The following EHD4 variants were observed in gnomAD, a reference collection of about 807,000 sequenced individuals.
EHD4 encodes EH domain containing 4.
A neutral mutation model predicts 51.0 loss-of-function variants in EHD4; 37 were observed. The observed-to-expected ratio is 0.73, with a 90% CI of 0.56 to 0.95. EHD4 has a LOEUF of 0.95. Among genes scored for constraint, EHD4 ranks in the 40% least tolerant of loss-of-function variants. The probability of loss-of-function intolerance (pLI) is 0.00; values close to 1 mark genes in which losing one functional copy is unlikely to be tolerated. For missense variants in EHD4, 632 were observed against 733.1 expected (o/e 0.86, Z 1.59); for synonymous variants, 297 against 317.3 (o/e 0.94, Z 0.68).
intron 5 of EHD4, among the ~76,000 whole-genome samples, chr15:41,903,756 G>A (rs1030016162): frequency 1.3e-5 from 2 of 152,110 alleles, no homozygotes; most frequent in Non-Finnish European, 2.9e-5. Context: ...GGGGGACAGA[G>A]CTGAGAAATA....
chr15:41,901,459 C>T (rs2067477651), intron 5 of EHD4, among the ~76,000 whole-genome samples: 1 of 152,224 alleles, frequency 6.6e-6, no homozygotes, highest in Non-Finnish European at 1.5e-5. Context: ...CTTTCACCTG[C>T]CTTTTTAAAA....
Position 41,900,582 on chromosome 15 carries a change from CAGT to C in EHD4, c.*60_*62del. The C allele has an allele frequency of 2.0e-6, 3 of 1,466,270 alleles. No individual in the cohort carries two copies. Among genetic ancestry groups the C allele is most frequent in the African/African-American group, 2.8e-5 (2 of 71,968 alleles). 90.8% of individuals were successfully genotyped at this position (1,466,270 alleles called of 1,614,324 possible). A position where few individuals can be genotyped will look rare whatever the true frequency, so the allele number is the denominator to read the frequency against. On this transcript the variant is annotated 3_prime_UTR_variant, in exon 6 of 6. Coordinates refer to ENST00000220325, the MANE Select transcript of EHD4 (RefSeq NM_139265.4). The surrounding 1 kb of genome is among the most constrained non-coding windows in gnomAD (Gnocchi z 4.8). ...CCTTGCCCAAGGTCATTCGGTGAGT[CAGT>C]GGTGGAGCAGGCCTGAGGCCCAGGT... is the stretch of plus-strand genomic sequence containing the variant.
chr15:41,932,235 TTAC>T (rs1211587254), intron 3 of EHD4, among the ~76,000 whole-genome samples: 1 of 152,094 alleles, frequency 6.6e-6, no homozygotes, highest in African/African-American at 2.4e-5. Flanking sequence ...GCTCCAAGAT[TTAC>T]TATAAGTGGG....
At chr15:41,931,063 C>T (rs140730334) in intron 3 of EHD4, among the ~76,000 whole-genome samples, 2 of 152,256 alleles carry the variant, frequency 1.3e-5, no homozygotes, top group East Asian at 1.9e-4. Flanking sequence ...ATAAAAAGAC[C>T]GCCGCTCCTT....
At position 41,909,765 on chromosome 15, in the gene EHD4, G is replaced by C. The variant is rs890501; in HGVS notation, c.1023C>G (p.Ile341Met). 13 of 1,614,082 alleles carry C rather than the reference G, an allele frequency of 8.1e-6. No homozygotes were observed. Among genetic ancestry groups the C allele is most frequent in the Non-Finnish European group, 1.0e-5 (12 of 1,180,052 alleles). The change falls in exon 5 of 6, where the codon ATC (isoleucine) becomes ATG (methionine). Residue 341 changes from isoleucine (I) to methionine (M), a missense_variant. Ile to Met is a conservative substitution (Grantham distance 10). Transcript: ENST00000220325. ...KRELISRLPE[I>M]YIQLQREYQI... ...GGTATTCTCGCTGTAGCTGAATGTA[G>C]ATTTCCGGTAGCCTGCTGATAAGCT...
At chr15:41,954,743 T>G (rs2067875779) in intron 1 of EHD4, among the ~76,000 whole-genome samples, 1 of 151,984 alleles carries the variant, frequency 6.6e-6, no homozygotes, top group Non-Finnish European at 1.5e-5. Flanking sequence ...GCTCCAACAA[T>G]CCTCCTGCCT....
intron 4 of EHD4, among the ~76,000 whole-genome samples, chr15:41,915,530 G>A (rs1243213307): frequency 6.6e-6 from 1 of 152,166 alleles, no homozygotes; most frequent in Non-Finnish European, 1.5e-5. Flanking sequence ...TTCCTCAAAT[G>A]TTGCCTCATT....
At chr15:41,902,953 A>G (rs2067487706) in intron 5 of EHD4, among the ~76,000 whole-genome samples, 1 of 151,272 alleles carries the variant, frequency 6.6e-6, no homozygotes, top group African/African-American at 2.4e-5. Context: ...ACCCCTGGGG[A>G]CCCTCACTGT....
chr15:41,972,152 C>A, intron 1 of EHD4, 107 bp downstream of exon 1: 14 of 1,173,304 alleles, frequency 1.2e-5, no homozygotes, highest in Non-Finnish European at 1.5e-5. Context: ...GAGGGGTCCC[C>A]GAGGTCGCGC....
chr15:41,967,736 AG>A (rs1469546497), intron 1 of EHD4, among the ~76,000 whole-genome samples: 1 of 152,238 alleles, frequency 6.6e-6, no homozygotes, highest in Admixed American at 6.5e-5. Flanking sequence ...GGAATGAAGC[AG>A]GCCTTTGTTC....
At position 41,919,539 on chromosome 15, in the gene EHD4, T is replaced by C. The variant is rs2067609848; in HGVS notation, c.595A>G (p.Ile199Val). The change falls in exon 4 of 6, where the codon ATC becomes GTC. Residue 199 changes from isoleucine (I) to valine (V), a missense_variant. By Grantham distance (29) the Ile-to-Val change is conservative (BLOSUM62 3). Coordinates refer to ENST00000220325, the MANE Select transcript of EHD4 (RefSeq NM_139265.4). ...ILLFDAHKLD[I>V]SDEFSEAIKA... ...ATGGCCTCTGAGAATTCATCTGAGATGTCCAGCTTGTGAGCGTCAAAGAGC... is the reference window on the plus strand; with the variant it reads ...ATGGCCTCTGAGAATTCATCTGAGACGTCCAGCTTGTGAGCGTCAAAGAGC... 6.5e-7 allele frequency: 1 copy of C among 1,534,428 alleles called. No individual in the cohort carries two copies. The highest frequency in any genetic ancestry group is 2.1e-5 in the Admixed American group (1 of 46,738).
intron 5 of EHD4, among the ~76,000 whole-genome samples, chr15:41,907,156 T>C (rs2067517958): frequency 6.6e-6 from 1 of 152,126 alleles, no homozygotes; most frequent in African/African-American, 2.4e-5. Context: ...GCCCCAGGGC[T>C]CAAGAGCAGC....
At chr15:41,936,765 TG>T (rs1416807507) in intron 3 of EHD4, among the ~76,000 whole-genome samples, 2 of 152,220 alleles carry the variant, frequency 1.3e-5, no homozygotes, top group Non-Finnish European at 2.9e-5. Flanking sequence ...AGTGGCGATA[TG>T]CTCACATCAG....
chr15:41,958,956 G>A (rs543169393), intron 1 of EHD4, among the ~76,000 whole-genome samples: 241 of 152,288 alleles, frequency 1.6e-3, no homozygotes, highest in Non-Finnish European at 2.9e-3. Flanking sequence ...AGAGGCCGAC[G>A]GGTTCCACTG....
intron 4 of EHD4, among the ~76,000 whole-genome samples, chr15:41,916,842 A>G (rs1595532801): frequency 6.6e-6 from 1 of 152,252 alleles, no homozygotes; most frequent in East Asian, 1.9e-4. Flanking sequence ...GTGAAAAGGA[A>G]CAAGCCAGAT....
chr15:41,949,049 TATACACAC>T (rs2067835176), intron 2 of EHD4, among the ~76,000 whole-genome samples: 23 of 102,376 alleles, frequency 2.2e-4, no homozygotes, highest in Non-Finnish European at 4.4e-4. Context: ...TATATATATA[TATACACAC>T]ATACACACAC....
At chr15:41,956,120 A>C (rs1366212110) in intron 1 of EHD4, among the ~76,000 whole-genome samples, 2 of 152,224 alleles carry the variant, frequency 1.3e-5, no homozygotes, top group Admixed American at 1.3e-4. Flanking sequence ...CTTGACAGGC[A>C]CTTTGCTCCA....
chr15:41,968,947 G>A (rs1373923485), intron 1 of EHD4, among the ~76,000 whole-genome samples: 2 of 152,084 alleles, frequency 1.3e-5, no homozygotes, highest in East Asian at 1.9e-4. Flanking sequence ...TCTCTATTTC[G>A]TTTGCATGCG....
intron 2 of EHD4, among the ~76,000 whole-genome samples, chr15:41,949,051 T>TATATATATATATATATATATACAC (rs1491135423): frequency 7.3e-5 from 8 of 109,456 alleles, no homozygotes; most frequent in South Asian, 7.4e-4. Flanking sequence ...TATATATATA[T>TATATATATATATATATATATACAC]ACACACATAC....
Sources: gnomAD v4.1 joint callset for allele counts (sites outside exome capture counted in the v4.1 genomes callset) on GRCh38, gnomAD v4.1.1 for gene constraint, Gnocchi (gnomAD v3.1) non-coding constraint, MANE v1.5 for transcripts, NCBI Gene and HGNC (gene_info 2026-07-23, HGNC 2026-07-21) for gene names.